The following NLRP4 variants were observed in gnomAD, a reference collection of about 807,000 sequenced individuals.
The protein encoded by NLRP4 is NLR family pyrin domain containing 4.
NLRP4 carries 44 observed loss-of-function variants against 84.7 expected under a neutral mutation model. The ratio of observed to expected loss-of-function variants is 0.52; its 90% CI spans 0.41 to 0.67. The LOEUF (loss-of-function observed/expected upper bound fraction) is 0.67. Ranked by LOEUF, NLRP4 falls within the 30% of genes least tolerant of loss-of-function variation. The pLI is 0.00. For missense variants in NLRP4, 1,260 were observed against 1,219.4 expected (o/e 1.03, Z -0.50); for synonymous variants, 544 against 476.4 (o/e 1.14, Z -1.85).
chr19:55,876,415 C>G (rs1422791824), intron 7 of NLRP4, among the ~76,000 whole-genome samples: 2 of 152,164 alleles, frequency 1.3e-5, no homozygotes, highest in Non-Finnish European at 2.9e-5. Flanking sequence ...GTGGTGCGAT[C>G]TCAGCTCACT....
chr19:55,849,974 GCTGCGGTGTAATTTCCGAGA>G (rs749560708), intron 1 of NLRP4, among the ~76,000 whole-genome samples: 2,872 of 107,376 alleles, frequency 0.027, 273 homozygotes, highest in East Asian at 0.079. Context: ...AATTTCCGTA[GCTGCGGTGTAATTTCCGAGA>G]CTGCGGTGTG....
Position 55,856,557 on chromosome 19 carries a change from C to A in NLRP4, c.281-1117C>A, listed in dbSNP as rs537064163. Among the ~76,000 whole-genome samples the A allele has an allele frequency of 4.1e-5, 6 of 146,636 alleles. No homozygotes were observed. In the East Asian group the frequency reaches 6.0e-4, roughly 15 times the overall value. On this transcript the variant is annotated intron_variant, in intron 2 of 9. Transcript: ENST00000301295. Reference sequence around the variant, plus strand: ...TTGAGACGGAGCCTCCTTCTGTTGCCCACGTTAGAGTACAGCAGTGCCATC... The same window carrying A: ...TTGAGACGGAGCCTCCTTCTGTTGCACACGTTAGAGTACAGCAGTGCCATC...
intron 2 of NLRP4, among the ~76,000 whole-genome samples, chr19:55,856,585 A>G (rs1317320640): frequency 4.6e-5 from 6 of 130,472 alleles, no homozygotes; most frequent in Admixed American, 1.8e-4. Context: ...GTGCCATCTC[A>G]GCTCACTGCA....
chr19:55,837,743 C>T (rs544939937), intron 1 of NLRP4, among the ~76,000 whole-genome samples: 2 of 152,144 alleles, frequency 1.3e-5, no homozygotes, highest in East Asian at 1.9e-4. Flanking sequence ...CTTATGAAAA[C>T]GGCCACATGC....
At position 55,876,998 on chromosome 19, in the gene NLRP4, T is replaced by G. The variant is rs979627227; in HGVS notation, c.2528T>G (p.Leu843Trp). 35 of 1,612,720 alleles carry G rather than the reference T, an allele frequency of 2.2e-5. No individual in the cohort carries two copies. The highest frequency in any genetic ancestry group is 2.9e-5 in the Non-Finnish European group (34 of 1,179,022). ...HPDCCLDSLCLVKCFITAAGC... is the reference protein window; with the variant it reads ...HPDCCLDSLCWVKCFITAAGC... ...ATGGTACCCTTACTCCTTTGCAGTT[T>G]GGTAAAATGTTTTATCACTGCTGCT... The change falls in exon 8 of 10, where the codon TTG becomes TGG. Residue 843 changes from leucine (L) to tryptophan (W), a missense_variant and splice_region_variant. Coordinates refer to ENST00000301295, the MANE Select transcript of NLRP4 (RefSeq NM_134444.5).
At chr19:55,861,271 G>T (rs1984738662) in intron 3 of NLRP4, 115 bp from the exon 4 acceptor site, 1 of 829,946 alleles carries the variant, frequency 1.2e-6, no homozygotes, top group Non-Finnish European at 1.9e-6. Flanking sequence ...TCTGACTGAG[G>T]GAGGCTCTGC....
At chr19:55,846,198 A>G (rs1983786159) in intron 1 of NLRP4, among the ~76,000 whole-genome samples, 1 of 152,156 alleles carries the variant, frequency 6.6e-6, no homozygotes, top group Non-Finnish European at 1.5e-5. Context: ...TAATTTTTGT[A>G]TAAGGTATAA....
chr19:55,846,279 A>T (rs1419378408), intron 1 of NLRP4, among the ~76,000 whole-genome samples: 1 of 152,202 alleles, frequency 6.6e-6, no homozygotes, highest in Non-Finnish European at 1.5e-5. Flanking sequence ...TAAATAGGGA[A>T]TCCTTTCCCC....
At chr19:55,856,114 C>T (rs141147445) in intron 2 of NLRP4, among the ~76,000 whole-genome samples, 7 of 152,316 alleles carry the variant, frequency 4.6e-5, no homozygotes, top group Non-Finnish European at 5.9e-5. Flanking sequence ...CTGCCCTGGC[C>T]TCCCGAGTAG....
intron 3 of NLRP4, among the ~76,000 whole-genome samples, chr19:55,860,276 T>C (rs147178946): frequency 0.013 from 2,042 of 152,228 alleles, 50 homozygotes; most frequent in African/African-American, 0.045. Context: ...TGAGCCACCG[T>C]GCCCGGCCAA....
intron 1 of NLRP4, among the ~76,000 whole-genome samples, chr19:55,847,790 C>A (rs1248947016): frequency 6.6e-6 from 1 of 150,632 alleles, no homozygotes; most frequent in East Asian, 1.9e-4. Flanking sequence ...TCTCAGCTCA[C>A]TGCAACCTCT....
At chr19:55,867,901 C>T (rs76113769) in intron 6 of NLRP4, 25 bp downstream of exon 6, 26,895 of 1,607,062 alleles carry the variant, frequency 0.017, 260 homozygotes, top group Non-Finnish European at 0.019. Flanking sequence ...GGGGTGCCTA[C>T]TGTGGAGGGC....
At chr19:55,839,771 TCTA>T (rs1983537342) in intron 1 of NLRP4, among the ~76,000 whole-genome samples, 1 of 152,202 alleles carries the variant, frequency 6.6e-6, no homozygotes, top group South Asian at 2.1e-4. Context: ...GATTATTTTT[TCTA>T]CTTTCTTTTG....
chr19:55,859,950 A>AC (rs1984670877), intron 3 of NLRP4, among the ~76,000 whole-genome samples: 1 of 90,588 alleles, frequency 1.1e-5, no homozygotes, highest in South Asian at 3.1e-4. Flanking sequence ...AAAAAAAAAA[A>AC]AACAAAACAC....
chr19:55,868,562 G>T (rs1329950855), intron 6 of NLRP4, among the ~76,000 whole-genome samples: 1 of 150,240 alleles, frequency 6.7e-6, no homozygotes, highest in Non-Finnish European at 1.5e-5. Context: ...GAGTGCAGTG[G>T]CATGATCTTG....
At position 55,858,851 on chromosome 19, in the gene NLRP4, C is replaced by T; in HGVS notation, c.1458C>T (p.Ala486=). ...AVRCVQELLV[A]NFEKARRAHW... ...GATGTGTACAGGAATTGCTAGTTGCCAATTTTGAAAAAGCAAGGAGAGCAC... is the reference window on the plus strand; with the variant it reads ...GATGTGTACAGGAATTGCTAGTTGCTAATTTTGAAAAAGCAAGGAGAGCAC... Residue 486 remains alanine (A), a synonymous_variant, in exon 3 of 10, where the codon GCC becomes GCT. Transcript: ENST00000301295. The surrounding 1 kb of genome is among the most constrained non-coding windows in gnomAD (Gnocchi z 4.2). The T allele has an allele frequency of 6.2e-7, 1 of 1,614,054 alleles. No homozygotes were observed. The highest frequency in any genetic ancestry group is 1.3e-5 in the African/African-American group (1 of 75,014).
chr19:55,873,790 T>G (rs1162363821), intron 7 of NLRP4, among the ~76,000 whole-genome samples: 1 of 152,174 alleles, frequency 6.6e-6, no homozygotes, highest in African/African-American at 2.4e-5. Context: ...CAGTTGAACT[T>G]TAAATCTTAC....
At chr19:55,847,345 A>G (rs1983836516) in intron 1 of NLRP4, among the ~76,000 whole-genome samples, 1 of 152,206 alleles carries the variant, frequency 6.6e-6, no homozygotes, top group Admixed American at 6.5e-5. Flanking sequence ...TTTAAAGCTC[A>G]GAGCATAATT....
chr19:55,845,919 A>G (rs1983777708), intron 1 of NLRP4, among the ~76,000 whole-genome samples: 1 of 150,184 alleles, frequency 6.7e-6, no homozygotes, highest in South Asian at 2.1e-4. Flanking sequence ...GATTCTGGAT[A>G]TTAGCCCTTT....
Sources: allele counts gnomAD v4.1 joint callset (sites outside exome capture counted in the v4.1 genomes callset), GRCh38; gene constraint gnomAD v4.1.1; non-coding constraint Gnocchi (gnomAD v3.1); transcripts MANE v1.5; gene names NCBI Gene and HGNC (gene_info 2026-07-23, HGNC 2026-07-21).